SH3RF3: variants seen among roughly 807,000 people sequenced by gnomAD.
SH3RF3 encodes the protein E3 ubiquitin-protein ligase SH3RF3.
In SH3RF3, 29 loss-of-function variants were observed where a neutral mutation model predicts 66.3. The observed-to-expected ratio is 0.44, with a 90% CI of 0.33 to 0.60. The LOEUF (loss-of-function observed/expected upper bound fraction) is 0.60, where lower values mean the gene tolerates loss of function less well. SH3RF3 is among the 20% of genes least tolerant of loss of function. The pLI is 0.04. For missense variants in SH3RF3, 1,194 were observed against 1,190.9 expected, an observed-to-expected ratio of 1.00 and a Z score of -0.04; for synonymous variants, 583 against 532.0, an observed-to-expected ratio of 1.10 and a Z score of -1.32.
chr2:109,346,995 C>T (rs900925788), intron 1 of SH3RF3, among the ~76,000 whole-genome samples: 1 of 152,178 alleles, frequency 6.6e-6, no homozygotes, highest in South Asian at 2.1e-4. Flanking sequence ...CTGTGCTCCA[C>T]ACAGGCTGTT....
At chr2:109,271,665 C>T (rs888586020) in intron 1 of SH3RF3, among the ~76,000 whole-genome samples, 65 of 152,210 alleles carry the variant, frequency 4.3e-4, no homozygotes, top group Non-Finnish European at 7.3e-5. Flanking sequence ...TATCCAGATA[C>T]GTGGTGGGTG....
Position 109,414,139 on chromosome 2 carries a change from C to T in SH3RF3, c.1300-5400C>T, listed in dbSNP as rs116142059. On this transcript the variant is annotated intron_variant, in intron 4 of 9. Coordinates refer to ENST00000309415, the MANE Select transcript of SH3RF3 (RefSeq NM_001099289.3). ...CAGGGCCCTCTTCTGGGTGGTGTCC[C>T]GCAGATGGGGCCAGGGCATGCTCCC... Among the ~76,000 whole-genome samples the T allele has an allele frequency of 6.7e-3, 1,026 of 152,330 alleles. 10 individuals carry two copies. Among genetic ancestry groups the T allele is most frequent in the African/African-American group, 0.023 (976 of 41,582 alleles).
At chr2:109,343,670 C>T (rs1246305349) in intron 1 of SH3RF3, among the ~76,000 whole-genome samples, 1 of 152,092 alleles carries the variant, frequency 6.6e-6, no homozygotes, top group South Asian at 2.1e-4. Flanking sequence ...AGGTGGGTTA[C>T]CACCTGTGGA....
At chr2:109,378,052 C>T (rs1436149686) in intron 3 of SH3RF3, among the ~76,000 whole-genome samples, 1 of 152,226 alleles carries the variant, frequency 6.6e-6, no homozygotes, top group Non-Finnish European at 1.5e-5. Context: ...GGGTTTTCGG[C>T]CCTTGCCTGG....
At chr2:109,198,599 A>T (rs1164054717) in intron 1 of SH3RF3, among the ~76,000 whole-genome samples, 1 of 152,242 alleles carries the variant, frequency 6.6e-6, no homozygotes, top group African/African-American at 2.4e-5. Flanking sequence ...AGCTTCCAGC[A>T]GGTCTCATTC....
At position 109,316,966 on chromosome 2, in the gene SH3RF3, T is replaced by G. The variant is rs867556416; in HGVS notation, c.574-30708T>G. Among the ~76,000 whole-genome samples, 4 of 152,290 alleles carry G rather than the reference T, an allele frequency of 2.6e-5. No homozygotes were observed. In the Middle Eastern group the frequency reaches 0.01, roughly 388 times the overall value. On this transcript the variant is annotated intron_variant, in intron 1 of 9. Coordinates refer to ENST00000309415, the MANE Select transcript of SH3RF3 (RefSeq NM_001099289.3). ...CATGTTTGAGGTTCCTCCATGTCTTTTCATGGCTTCATAGTTGATTTCTTT... is the reference window on the plus strand; with the variant it reads ...CATGTTTGAGGTTCCTCCATGTCTTGTCATGGCTTCATAGTTGATTTCTTT...
chr2:109,219,759 A>G (rs1381675818), intron 1 of SH3RF3, among the ~76,000 whole-genome samples: 1 of 152,238 alleles, frequency 6.6e-6, no homozygotes, highest in Non-Finnish European at 1.5e-5. Context: ...GGCACACTGA[A>G]AACTACAACA....
chr2:109,389,270 C>G lies in SH3RF3; in HGVS notation c.946-9320C>G, dbSNP rs570656874. On this transcript the variant is annotated intron_variant, in intron 3 of 9. Coordinates refer to ENST00000309415, the MANE Select transcript of SH3RF3 (RefSeq NM_001099289.3). ...GGCAAGCGTGGGCCAGGCCCCGCTC[C>G]TTGTGCATCAGGTTCACACCCTGTG... Among the ~76,000 whole-genome samples the G allele has an allele frequency of 6.6e-4, 101 of 152,342 alleles. 1 individual carries two copies. Among genetic ancestry groups the G allele is most frequent in the African/African-American group, 2.4e-3 (98 of 41,576 alleles).
intron 1 of SH3RF3, among the ~76,000 whole-genome samples, chr2:109,338,386 CA>C (rs1559031099): frequency 6.6e-6 from 1 of 152,018 alleles, no homozygotes; most frequent in Non-Finnish European, 1.5e-5. Context: ...CCAGTTCTAA[CA>C]CAGGCCTCCT....
At chr2:109,447,508 A>G (rs1022469263) in intron 7 of SH3RF3, among the ~76,000 whole-genome samples, 4 of 152,204 alleles carry the variant, frequency 2.6e-5, no homozygotes, top group Non-Finnish European at 4.4e-5. Context: ...AAATGATTAC[A>G]GTATGACATA....
intron 1 of SH3RF3, among the ~76,000 whole-genome samples, chr2:109,240,516 C>G (rs1353998326): frequency 6.6e-6 from 1 of 152,064 alleles, no homozygotes; most frequent in Non-Finnish European, 1.5e-5. Context: ...AAACTAAAAC[C>G]AGAGTCAGGG....
At chr2:109,371,848 G>T (rs943925076) in intron 3 of SH3RF3, among the ~76,000 whole-genome samples, 167 bp downstream of exon 3, 15 of 152,176 alleles carry the variant, frequency 9.9e-5, no homozygotes, top group Non-Finnish European at 1.9e-4. Context: ...CACCTCATGG[G>T]GTCAGTGCTG....
intron 1 of SH3RF3, among the ~76,000 whole-genome samples, chr2:109,184,831 G>A (rs941916483): frequency 1.3e-5 from 2 of 152,250 alleles, no homozygotes; most frequent in East Asian, 1.9e-4. Context: ...AGGCAGTTAC[G>A]TGGTTGTCCA....
intron 9 of SH3RF3, among the ~76,000 whole-genome samples, chr2:109,497,708 G>A (rs190531294): frequency 7.2e-5 from 11 of 152,314 alleles, no homozygotes; most frequent in Non-Finnish European, 1.3e-4. Flanking sequence ...GGACAGAAAC[G>A]TTAAACACTT....
intron 8 of SH3RF3, among the ~76,000 whole-genome samples, chr2:109,450,630 T>C (rs550322600): frequency 2.6e-5 from 4 of 152,368 alleles, no homozygotes; most frequent in Admixed American, 6.5e-5. Context: ...ATGTAACCTA[T>C]GTTTTAAAAT....
chr2:109,347,758 A>G lies in SH3RF3; in HGVS notation c.658A>G (p.Ile220Val), dbSNP rs775875653. The change falls in exon 2 of 10, where the codon ATC becomes GTC. Residue 220 changes from isoleucine to valine, a missense_variant. Ile to Val is a conservative substitution (Grantham distance 29). Coordinates refer to ENST00000309415, the MANE Select transcript of SH3RF3 (RefSeq NM_001099289.3). ...PGDLKFNKGD[I>V]IVLRRKVDEQ... Reference sequence around the variant, plus strand: ...TGACCTCAAGTTCAACAAGGGGGACATCATCGTCCTGCGGCGCAAGGTGGA... The same window carrying G: ...TGACCTCAAGTTCAACAAGGGGGACGTCATCGTCCTGCGGCGCAAGGTGGA... The G allele has an allele frequency of 1.9e-6, 3 of 1,613,998 alleles. No individual in the cohort carries two copies. The highest frequency in any genetic ancestry group is 1.7e-5 in the Admixed American group (1 of 60,036).
At chr2:109,499,908 C>A (rs1203479288) in intron 9 of SH3RF3, among the ~76,000 whole-genome samples, 7 of 152,276 alleles carry the variant, frequency 4.6e-5, no homozygotes. Context: ...GTTCAATTGG[C>A]ACACAAGTGA....
chr2:109,391,035 T>C lies in SH3RF3; in HGVS notation c.946-7555T>C, dbSNP rs538272496. 6.4e-4 allele frequency among the ~76,000 whole-genome samples: 97 copies of C among 152,318 alleles called. 1 individual carries two copies. Among genetic ancestry groups the C allele is most frequent in the African/African-American group, 1.2e-4 (5 of 41,570 alleles). On this transcript the variant is annotated intron_variant, in intron 3 of 9. Transcript: ENST00000309415. The stretch of plus-strand genomic sequence containing the variant: ...GTGGACGGGTGCCACCTGCCTCTCA[T>C]GGGACCAGCCTGCACCTGACAGGGA...
At chr2:109,249,944 A>G (rs886823650) in intron 1 of SH3RF3, among the ~76,000 whole-genome samples, 1 of 150,816 alleles carries the variant, frequency 6.6e-6, no homozygotes, top group Non-Finnish European at 1.5e-5. Context: ...TTGGCCTCCC[A>G]AAGTGCTGGG....
Sources: gnomAD v4.1 joint callset for allele counts (sites outside exome capture counted in the v4.1 genomes callset) on GRCh38, gnomAD v4.1.1 for gene constraint, MANE v1.5 for transcripts, NCBI Gene and HGNC (gene_info 2026-07-23, HGNC 2026-07-21) for gene names.